Variants in UNG observed in about 807,000 individuals in gnomAD.
The protein encoded by UNG is uracil-DNA glycosylase.
A neutral mutation model predicts 36.5 loss-of-function variants in UNG; 34 were observed. That is an observed-to-expected ratio of 0.93 (90% confidence interval 0.71 to 1.24). The LOEUF is 1.24. UNG is among the 50% of genes most tolerant of loss of function. UNG has a pLI of 0.00. For synonymous variants in UNG, 172 were observed against 157.8 expected, an observed-to-expected ratio of 1.09 and a Z score of -0.67; for missense variants, 391 against 397.6, an observed-to-expected ratio of 0.98 and a Z score of 0.14.
chr12:109,105,774 T>TC (rs1362211871), intron 6 of UNG, among the ~76,000 whole-genome samples: 1 of 152,156 alleles, frequency 6.6e-6, no homozygotes, highest in Non-Finnish European at 1.5e-5. Flanking sequence ...TGTTCTTTCT[T>TC]CCCCCTCCAA....
rs373031851 is a variant in UNG at position 109,106,892 on chromosome 12, C to CAT, written c.802-2927_802-2926dup. ...AAAAAAAAACATATATATATATACACATATATATATACGTATATATATATG... is the reference window on the plus strand; with the variant it reads ...AAAAAAAAACATATATATATATACACATATATATATATACGTATATATATATG... On this transcript the variant is annotated intron_variant, in intron 6 of 6. Coordinates refer to ENST00000242576, the MANE Select transcript of UNG (RefSeq NM_080911.3). Among the ~76,000 whole-genome samples the CAT allele has an allele frequency of 8.6e-3, 75 of 8,690 alleles. 2 individuals carry two copies. The highest frequency in any genetic ancestry group is 0.055 in the African/African-American group (58 of 1,050). The allele number at this position is 8,690 out of a possible 152,430, so 5.7% of individuals were successfully genotyped here.
At position 109,098,513 on chromosome 12, in the gene UNG, G is replaced by C. The variant is rs1359164725; in HGVS notation, c.214G>C (p.Asp72His). Residue 72 changes from aspartate to histidine, a missense_variant, in exon 2 of 7, where the codon GAC (aspartate) becomes CAC (histidine). Physicochemically the swap from Asp to His is moderately conservative, Grantham distance 81. Transcript: ENST00000242576. Reference protein sequence around the residue: ...PSSPLSAEQLDRIQRNKAAAL... With the variant: ...PSSPLSAEQLHRIQRNKAAAL... ...CTCGCCGCTGAGTGCCGAGCAGTTGGACCGGATCCAGAGGAACAAGGCCGC... is the reference window on the plus strand; with the variant it reads ...CTCGCCGCTGAGTGCCGAGCAGTTGCACCGGATCCAGAGGAACAAGGCCGC... The C allele has an allele frequency of 6.2e-7, 1 of 1,612,936 alleles. No individual in the cohort carries two copies. Among genetic ancestry groups the C allele is most frequent in the East Asian group, 2.2e-5 (1 of 44,884 alleles).
intron 3 of UNG, among the ~76,000 whole-genome samples, chr12:109,099,745 A>T (rs1367625331): frequency 6.6e-6 from 1 of 152,144 alleles, no homozygotes; most frequent in Non-Finnish European, 1.5e-5. Context: ...GTCTTATATA[A>T]CAGTTGCTGG....
chr12:109,106,927 A>ATG (rs1467465469), intron 6 of UNG, among the ~76,000 whole-genome samples: 2 of 131,530 alleles, frequency 1.5e-5, no homozygotes, highest in Non-Finnish European at 1.6e-5. Flanking sequence ...GTGTATATAT[A>ATG]TATATATAAA....
chr12:109,105,136 A>G (rs903110808), intron 6 of UNG: 1 of 151,876 alleles, frequency 6.6e-6, no homozygotes, highest in Non-Finnish European at 1.5e-5. Flanking sequence ...CTGGTCTTGA[A>G]CTCCTGACCT....
chr12:109,100,077 C>A lies in UNG; in HGVS notation c.435+793C>A, dbSNP rs145296454. On this transcript the variant is annotated intron_variant, in intron 3 of 6. Coordinates refer to ENST00000242576, the MANE Select transcript of UNG (RefSeq NM_080911.3). ...ACCCTGTCTCAAAACAAAAAAAAAA[C>A]CGTGGCTTCTCACTGTTGAACTATG... 5.3e-3 allele frequency among the ~76,000 whole-genome samples: 792 copies of A among 150,226 alleles called. 6 individuals are homozygous for A. Among genetic ancestry groups the A allele is most frequent in the African/African-American group, 0.019 (746 of 39,872 alleles).
chr12:109,105,233 C>G (rs1209497829), intron 6 of UNG: 1 of 152,192 alleles, frequency 6.6e-6, no homozygotes, highest in Non-Finnish European at 1.5e-5. Context: ...ACTTTGCATG[C>G]AGAATCTTAC....
Position 109,109,482 on chromosome 12 carries a change from G to GAA in UNG, c.802-347_802-346insAA, listed in dbSNP as rs765992796. Reference sequence around the variant, plus strand: ...AACAGCCACAGTCCTTCCTTTTTGGGGAAAAAAAAAAAAAGTCCCGGCCGG... The same window carrying GAA: ...AACAGCCACAGTCCTTCCTTTTTGGGAAGAAAAAAAAAAAAAGTCCCGGCCGG... On this transcript the variant is annotated intron_variant, in intron 6 of 6. Transcript: ENST00000242576. 9.4e-3 allele frequency among the ~76,000 whole-genome samples: 1,385 copies of GAA among 147,138 alleles called. 27 individuals carry two copies. Among genetic ancestry groups the GAA allele is most frequent in the African/African-American group, 0.031 (1,237 of 39,548 alleles).
Position 109,109,906 on chromosome 12 carries a change from T to G in UNG, c.879T>G (p.Phe293Leu), listed in dbSNP as rs370657301. The change falls in exon 7 of 7, where the codon TTT becomes TTG. Residue 293 changes from phenylalanine to leucine, a missense_variant. Transcript: ENST00000242576. The stretch of plus-strand genomic sequence containing the variant: ...GAGGGTTCTTTGGATGTAGACACTT[T>G]TCAAAGACCAATGAGCTGCTGCAGA... ...VYRGFFGCRH[F>L]SKTNELLQKS... is the part of the protein sequence containing the mutation. The G allele has an allele frequency of 1.9e-6, 3 of 1,614,068 alleles. No individual in the cohort carries two copies. The highest frequency in any genetic ancestry group is 2.5e-6 in the Non-Finnish European group (3 of 1,180,038).
chr12:109,108,699 T>C (rs2042237000), intron 6 of UNG, among the ~76,000 whole-genome samples: 1 of 152,216 alleles, frequency 6.6e-6, no homozygotes, highest in African/African-American at 2.4e-5. Flanking sequence ...GGCACAATTA[T>C]AGCTTTTTGC....
Position 109,109,970 on chromosome 12 carries a change from T to A in UNG, c.*1T>A. The A allele has an allele frequency of 6.2e-7, 1 of 1,614,122 alleles. No homozygotes were observed. Among genetic ancestry groups the A allele is most frequent in the Non-Finnish European group, 8.5e-7 (1 of 1,180,026 alleles). ...GCCCATTGACTGGAAGGAGCTGTGA[T>A]CATCAGCTGAGGGGTGGCCTTTGAG... On this transcript the variant is annotated 3_prime_UTR_variant, in exon 7 of 7. Transcript: ENST00000242576.
intron 1 of UNG, chr12:109,098,200 C>G: frequency 7.0e-7 from 1 of 1,435,824 alleles, no homozygotes; most frequent in Non-Finnish European, 9.1e-7. Context: ...CCGCGACGCT[C>G]CTCGGGAAGC....
intron 6 of UNG, among the ~76,000 whole-genome samples, chr12:109,107,607 C>T (rs2042227930): frequency 6.6e-6 from 1 of 150,496 alleles, no homozygotes; most frequent in East Asian, 1.9e-4. Flanking sequence ...TTCACTGCAG[C>T]CTCCCCCTCC....
intron 3 of UNG, among the ~76,000 whole-genome samples, chr12:109,099,741 T>G (rs1354867883): frequency 6.6e-6 from 1 of 152,226 alleles, no homozygotes; most frequent in East Asian, 1.9e-4. Context: ...GTTTGTCTTA[T>G]ATAACAGTTG....
At chr12:109,104,023 A>G (rs2042198523) in intron 6 of UNG, among the ~76,000 whole-genome samples, 1 of 151,704 alleles carries the variant, frequency 6.6e-6, no homozygotes, top group Non-Finnish European at 1.5e-5. Context: ...CCATGAAAAT[A>G]CTATCAGTGA....
In UNG at chr12:109,097,646, G is replaced by A; in HGVS notation, c.-34G>A. The A allele has an allele frequency of 6.3e-7, 1 of 1,599,062 alleles. No homozygotes were observed. The highest frequency in any genetic ancestry group is 1.1e-5 in the South Asian group (1 of 89,144). On this transcript the variant is annotated 5_prime_UTR_variant, in exon 1 of 7. Transcript: ENST00000242576. ...CCAGGGCTAGCCTCGCCGGTTCCCGGGTGGCGCGCGTTCGCTGCCTCCTCA... is the reference window on the plus strand; with the variant it reads ...CCAGGGCTAGCCTCGCCGGTTCCCGAGTGGCGCGCGTTCGCTGCCTCCTCA...
intron 1 of UNG, chr12:109,098,208 A>G: frequency 6.9e-7 from 1 of 1,445,128 alleles, no homozygotes. Context: ...CTCCTCGGGA[A>G]GCCATAGGGC....
At position 109,110,057 on chromosome 12, in the gene UNG, TAAGTACTC is replaced by T; in HGVS notation, c.*89_*96del. On this transcript the variant is annotated 3_prime_UTR_variant, in exon 7 of 7. Transcript: ENST00000242576. ...CACTGAAAATTTTCCTATTAATTCTTAAGTACTCTGCATAAGGGGGAAAAGCTTCCAGA... is the reference window on the plus strand; with the variant it reads ...CACTGAAAATTTTCCTATTAATTCTTTGCATAAGGGGGAAAAGCTTCCAGA... 6.3e-7 allele frequency: 1 copy of T among 1,582,068 alleles called. No homozygotes were observed. The highest frequency in any genetic ancestry group is 1.1e-5 in the South Asian group (1 of 89,720).
chr12:109,109,319 C>T (rs946215595), intron 6 of UNG, among the ~76,000 whole-genome samples: 3 of 152,080 alleles, frequency 2.0e-5, no homozygotes, highest in Non-Finnish European at 4.4e-5. Context: ...GGGTGGTGCT[C>T]TTTGCATCTC....
Sources: gnomAD v4.1 joint callset for allele counts (sites outside exome capture counted in the v4.1 genomes callset) on GRCh38, gnomAD v4.1.1 for gene constraint, MANE v1.5 for transcripts, NCBI Gene and HGNC (gene_info 2026-07-23, HGNC 2026-07-21) for gene names.